The following IFT57 variants were observed in gnomAD, a reference collection of about 807,000 sequenced individuals.
IFT57 encodes the protein intraflagellar transport protein 57 homolog.
Under a neutral mutation model 56.8 loss-of-function variants are expected in IFT57, and 59 were observed. That is an observed-to-expected ratio of 1.04 (90% confidence interval 0.84 to 1.29). IFT57 has a LOEUF of 1.29. IFT57 is among the 50% of genes most tolerant of loss of function. The probability of loss-of-function intolerance (pLI) is 0.00; values close to 1 mark genes in which losing one functional copy is unlikely to be tolerated. For synonymous variants in IFT57, 209 were observed against 186.1 expected (o/e 1.12, Z -1.00); for missense variants, 470 against 522.1 (o/e 0.90, Z 0.97).
chr3:108,188,356 A>T (rs1282108743), intron 6 of IFT57, among the ~76,000 whole-genome samples: 1 of 152,226 alleles, frequency 6.6e-6, no homozygotes, highest in African/African-American at 2.4e-5. Flanking sequence ...AGCTAAATAA[A>T]GAATTCACCT....
At chr3:108,198,161 T>C (rs960111988) in intron 5 of IFT57, among the ~76,000 whole-genome samples, 15 of 152,292 alleles carry the variant, frequency 9.8e-5, no homozygotes, top group Non-Finnish European at 1.6e-4. Flanking sequence ...CATCTTGTGA[T>C]TGGTAGGTCA....
chr3:108,191,945 C>T (rs1222172780), intron 5 of IFT57, among the ~76,000 whole-genome samples: 1 of 151,990 alleles, frequency 6.6e-6, no homozygotes, highest in African/African-American at 2.4e-5. Context: ...GACCAACAAG[C>T]CATTTAGGTA....
intron 6 of IFT57, among the ~76,000 whole-genome samples, chr3:108,171,269 C>A (rs1469810573): frequency 6.6e-6 from 1 of 151,786 alleles, no homozygotes; most frequent in Admixed American, 6.6e-5. Context: ...CAAACAGAGG[C>A]CTGGTGACAG....
At chr3:108,206,070 ATAT>A (rs1172497587) in intron 5 of IFT57, among the ~76,000 whole-genome samples, 5 of 119,258 alleles carry the variant, frequency 4.2e-5, no homozygotes, top group Non-Finnish European at 7.0e-5. Flanking sequence ...ATATATAATA[ATAT>A]ATTATATATA....
At chr3:108,173,808 G>GTGTGTATA (rs771647277) in intron 6 of IFT57, among the ~76,000 whole-genome samples, 24 of 127,136 alleles carry the variant, frequency 1.9e-4, no homozygotes, top group African/African-American at 5.5e-4. Flanking sequence ...GTGTGTGTGT[G>GTGTGTATA]TATATAATAT....
chr3:108,180,184 G>A (rs953164129), intron 6 of IFT57, among the ~76,000 whole-genome samples: 5 of 151,896 alleles, frequency 3.3e-5, no homozygotes, highest in Admixed American at 6.6e-5. Flanking sequence ...TAACACGCTC[G>A]AAGGCTATCT....
chr3:108,218,234 G>C (rs2080384044), intron 3 of IFT57, among the ~76,000 whole-genome samples: 1 of 150,048 alleles, frequency 6.7e-6, no homozygotes, highest in Non-Finnish European at 1.5e-5. Context: ...ATATGTACAA[G>C]AGACTTTAAA....
In IFT57 at chr3:108,163,588, A is replaced by G. The variant is rs568736975; in HGVS notation, c.1111+75T>C. The stretch of plus-strand genomic sequence containing the variant: ...ATAATTTGTTTTATATATTAATACT[A>G]TTTTGTTAAGTAGGTTTCTTGAAGA... On this transcript the variant is annotated intron_variant, in intron 10 of 10. Coordinates refer to ENST00000264538, the MANE Select transcript of IFT57 (RefSeq NM_018010.4). 59 of 955,282 alleles carry G rather than the reference A, an allele frequency of 6.2e-5. 1 individual carries two copies. The East Asian group carries it at 1.3e-3, about 20-fold the overall frequency. The allele number at this position is 955,282 out of a possible 1,614,324, so 59.2% of individuals were successfully genotyped here. A position where few individuals can be genotyped will look rare whatever the true frequency, so the allele number is the denominator to read the frequency against.
intron 3 of IFT57, among the ~76,000 whole-genome samples, chr3:108,217,202 G>A (rs1390218307): frequency 6.6e-6 from 1 of 151,900 alleles, no homozygotes. Context: ...ACATCACATT[G>A]TACTCCAAAA....
intron 5 of IFT57, among the ~76,000 whole-genome samples, chr3:108,200,330 G>A (rs1356173517): frequency 6.6e-6 from 1 of 152,146 alleles, no homozygotes; most frequent in African/African-American, 2.4e-5. Context: ...CAGCTGAAGG[G>A]ATGGATATGG....
chr3:108,219,550 T>C lies in IFT57; in HGVS notation c.235A>G (p.Asn79Asp). The C allele has an allele frequency of 6.2e-7, 1 of 1,613,978 alleles. No homozygotes were observed. The highest frequency in any genetic ancestry group is 8.5e-7 in the Non-Finnish European group (1 of 1,179,872). Residue 79 changes from asparagine (N) to aspartate (D), a missense_variant, in exon 2 of 11, where the codon AAC (asparagine) becomes GAC (aspartate). By Grantham distance (23) the Asn-to-Asp change is conservative (BLOSUM62 1). Transcript: ENST00000264538. ...AACATGTAGAACTGTTCGCCAGGGT[T>C]GGTAGGCAGTGCAAAATAGTGTCTG... is the stretch of plus-strand genomic sequence containing the variant. ...PSRHYFALPT[N>D]PGEQFYMFCT... is the part of the protein sequence containing the mutation.
Position 108,165,501 on chromosome 3 carries a change from G to A in IFT57, c.982-8C>T. The A allele has an allele frequency of 6.2e-7, 1 of 1,611,136 alleles. No individual in the cohort carries two copies. ...CTGGTATCGCTCCTTTGCCTGAGAG[G>A]AAAAACATTTTGTTTAATGGCAAAT... On this transcript the variant is annotated splice_polypyrimidine_tract_variant and splice_region_variant and intron_variant, in intron 8 of 10. Coordinates refer to ENST00000264538, the MANE Select transcript of IFT57 (RefSeq NM_018010.4).
At position 108,218,667 on chromosome 3, in the gene IFT57, G is replaced by T; in HGVS notation, c.376-14C>A. The T allele has an allele frequency of 2.3e-6, 3 of 1,289,716 alleles. No homozygotes were observed. The highest frequency in any genetic ancestry group is 2.1e-6 in the Non-Finnish European group (2 of 934,740). The allele number at this position is 1,289,716 out of a possible 1,614,324, so 79.9% of individuals were successfully genotyped here. A position where few individuals can be genotyped will look rare whatever the true frequency, so the allele number is the denominator to read the frequency against. On this transcript the variant is annotated splice_polypyrimidine_tract_variant and intron_variant, in intron 2 of 10. Transcript: ENST00000264538. ...TGCAGTTCTTCCCTGAAAAACAAAA[G>T]AAAAAACAGGGTATTATTTGTTAGT... is the stretch of plus-strand genomic sequence containing the variant.
At chr3:108,205,499 T>C (rs1286388661) in intron 5 of IFT57, among the ~76,000 whole-genome samples, 1 of 151,126 alleles carries the variant, frequency 6.6e-6, no homozygotes, top group Non-Finnish European at 1.5e-5. Context: ...TTAATATCAC[T>C]AAGGCATCAA....
chr3:108,218,675 A>G (rs745847928), intron 2 of IFT57, 22 bp from the exon 3 acceptor site: 1 of 1,259,910 alleles, frequency 7.9e-7, no homozygotes, highest in Admixed American at 2.4e-5. Context: ...AAGAAAAAAC[A>G]GGGTATTATT....
intron 6 of IFT57, among the ~76,000 whole-genome samples, chr3:108,183,163 T>C (rs1205862666): frequency 6.6e-6 from 1 of 152,112 alleles, no homozygotes; most frequent in Non-Finnish European, 1.5e-5. Context: ...ATTATTTGGT[T>C]TCCATTGTGA....
At chr3:108,181,095 C>G (rs2080149120) in intron 6 of IFT57, among the ~76,000 whole-genome samples, 2 of 152,102 alleles carry the variant, frequency 1.3e-5, no homozygotes, top group Non-Finnish European at 2.9e-5. Context: ...CAGTCATTCT[C>G]TTATTTCAAC....
chr3:108,162,948 A>G (rs2080041792), intron 10 of IFT57, among the ~76,000 whole-genome samples: 1 of 152,054 alleles, frequency 6.6e-6, no homozygotes, highest in Admixed American at 6.6e-5. Flanking sequence ...TTTATGAGCT[A>G]GTATATTTGT....
At chr3:108,210,539 G>A (rs2080338124) in intron 4 of IFT57, among the ~76,000 whole-genome samples, 1 of 151,858 alleles carries the variant, frequency 6.6e-6, no homozygotes. Context: ...CACCATGTTA[G>A]CCAGGCTAAT....
Sources: gnomAD v4.1 joint callset for allele counts (sites outside exome capture counted in the v4.1 genomes callset) on GRCh38, gnomAD v4.1.1 for gene constraint, MANE v1.5 for transcripts, NCBI Gene and HGNC (gene_info 2026-07-23, HGNC 2026-07-21) for gene names.